Variants in CSMD1 observed in about 807,000 individuals in gnomAD.
The protein encoded by CSMD1 is CUB and sushi domain-containing protein 1.
CSMD1 carries 213 observed loss-of-function variants against 417.5 expected under a neutral mutation model. That is an observed-to-expected ratio of 0.51 (90% CI 0.46 to 0.57). The LOEUF (loss-of-function observed/expected upper bound fraction) is 0.57, where lower values mean the gene tolerates loss of function less well. CSMD1 is among the 20% of genes least tolerant of loss of function. The probability of loss-of-function intolerance (pLI) is 0.00; values close to 1 mark genes in which losing one functional copy is unlikely to be tolerated. For synonymous variants in CSMD1, 2,862 were observed against 1,736.8 expected (o/e 1.65, Z -16.11); for missense variants, 6,923 against 4,529.7 (o/e 1.53, Z -15.17).
intron 8 of CSMD1, among the ~76,000 whole-genome samples, chr8:3,611,167 G>T (rs538760812): frequency 6.6e-6 from 1 of 151,548 alleles, no homozygotes; most frequent in South Asian, 2.1e-4. Flanking sequence ...CACCAGCATG[G>T]CACATGTATA....
At chr8:4,703,913 A>G (rs1807746790) in intron 1 of CSMD1, among the ~76,000 whole-genome samples, 1 of 152,148 alleles carries the variant, frequency 6.6e-6, no homozygotes. Context: ...TCCACCTCAG[A>G]TCATCAGGCA....
chr8:3,513,428 G>A (rs911877225), intron 10 of CSMD1, among the ~76,000 whole-genome samples: 11 of 151,464 alleles, frequency 7.3e-5, no homozygotes, highest in African/African-American at 2.2e-4. Context: ...CCAGGATCAA[G>A]CATTCTCCCG....
chr8:3,774,636 G>A (rs1584978703), intron 5 of CSMD1, among the ~76,000 whole-genome samples: 3 of 152,140 alleles, frequency 2.0e-5, no homozygotes, highest in East Asian at 3.9e-4. Context: ...TATCTTTGTT[G>A]AACTGTGGAC....
chr8:4,776,912 C>A (rs1177464201), intron 1 of CSMD1, among the ~76,000 whole-genome samples: 2 of 152,180 alleles, frequency 1.3e-5, no homozygotes, highest in Admixed American at 6.5e-5. Context: ...AACACTTCCA[C>A]AACGTTACTA....
intron 18 of CSMD1, among the ~76,000 whole-genome samples, chr8:3,383,764 C>G (rs1025190564): frequency 4.6e-5 from 7 of 151,866 alleles, no homozygotes; most frequent in Admixed American, 4.6e-4. Context: ...GAAAGAGATG[C>G]TTTATAAGAG....
At chr8:4,076,620 C>T (rs1338025274) in intron 3 of CSMD1, among the ~76,000 whole-genome samples, 1 of 152,122 alleles carries the variant, frequency 6.6e-6, no homozygotes, top group Non-Finnish European at 1.5e-5. Context: ...TGATAGTTGC[C>T]TGTTACCTTT....
chr8:4,204,626 G>A (rs552593254), intron 3 of CSMD1, among the ~76,000 whole-genome samples: 1 of 152,182 alleles, frequency 6.6e-6, no homozygotes, highest in East Asian at 1.9e-4. Context: ...GAGACAGTAG[G>A]CAACAAGCCT....
intron 2 of CSMD1, among the ~76,000 whole-genome samples, chr8:4,478,912 T>A (rs1800941878): frequency 1.3e-5 from 2 of 152,210 alleles, no homozygotes; most frequent in South Asian, 4.1e-4. Context: ...ATTTAGTTTC[T>A]GGCAATTGTA....
At chr8:3,005,482 T>C (rs963943246) in intron 52 of CSMD1, among the ~76,000 whole-genome samples, 6 of 152,164 alleles carry the variant, frequency 3.9e-5, no homozygotes, top group African/African-American at 1.4e-4. Flanking sequence ...AAGAGAATTT[T>C]AGACCAATAT....
intron 6 of CSMD1, among the ~76,000 whole-genome samples, chr8:3,749,488 A>T (rs1330379476): frequency 6.6e-6 from 1 of 152,190 alleles, no homozygotes; most frequent in Non-Finnish European, 1.5e-5. Context: ...AAAGTGTAAG[A>T]CTCCGAGAAT....
At chr8:3,446,998 A>AAG (rs1815347365) in intron 12 of CSMD1, among the ~76,000 whole-genome samples, 1 of 152,214 alleles carries the variant, frequency 6.6e-6, no homozygotes, top group African/African-American at 2.4e-5. Context: ...GTAAAGAATA[A>AAG]AGGAATTGGT....
At chr8:3,493,258 C>A (rs1204632371) in intron 11 of CSMD1, among the ~76,000 whole-genome samples, 1 of 138,964 alleles carries the variant, frequency 7.2e-6, no homozygotes, top group Non-Finnish European at 1.5e-5. Flanking sequence ...CTGACCACTG[C>A]ACTGCAGCCT....
chr8:4,302,240 T>C (rs1272542813), intron 3 of CSMD1, among the ~76,000 whole-genome samples: 1 of 151,956 alleles, frequency 6.6e-6, no homozygotes, highest in Non-Finnish European at 1.5e-5. Flanking sequence ...AAAAGAAAAA[T>C]GTAGTGTTTT....
intron 4 of CSMD1, among the ~76,000 whole-genome samples, chr8:4,016,176 C>A (rs753033685): frequency 3.3e-5 from 5 of 152,086 alleles, no homozygotes; most frequent in African/African-American, 9.7e-5. Flanking sequence ...ACGTTCATAA[C>A]GTAACACTTG....
At chr8:4,037,801 G>T (rs879852825) in intron 3 of CSMD1, among the ~76,000 whole-genome samples, 7 of 151,988 alleles carry the variant, frequency 4.6e-5, no homozygotes, top group Non-Finnish European at 8.8e-5. Flanking sequence ...TTCCAGGTTG[G>T]AATTGAATCT....
chr8:4,856,246 AC>A (rs754078095), intron 1 of CSMD1, among the ~76,000 whole-genome samples: 43 of 139,766 alleles, frequency 3.1e-4, no homozygotes, highest in Non-Finnish European at 6.1e-4. Flanking sequence ...GGCCTGCCTT[AC>A]AAGAGCTCCT....
intron 39 of CSMD1, 85 bp downstream of exon 39, chr8:3,157,812 G>T: frequency 9.3e-7 from 1 of 1,077,408 alleles, no homozygotes; most frequent in South Asian, 1.4e-5. Context: ...AAATTTAGAA[G>T]TGCATTCTTT....
intron 5 of CSMD1, among the ~76,000 whole-genome samples, chr8:3,934,994 A>G (rs1198010062): frequency 6.6e-6 from 1 of 152,216 alleles, no homozygotes; most frequent in East Asian, 1.9e-4. Context: ...ACTCTGTAAT[A>G]CACATAATCA....
chr8:4,887,687 T>A (rs1055052019), intron 1 of CSMD1, among the ~76,000 whole-genome samples: 1 of 152,026 alleles, frequency 6.6e-6, no homozygotes, highest in African/African-American at 2.4e-5. Flanking sequence ...ATTTATTTAT[T>A]TATTTGCTTT....
Sources: gnomAD v4.1 joint callset for allele counts (sites outside exome capture counted in the v4.1 genomes callset) on GRCh38, gnomAD v4.1.1 for gene constraint, MANE v1.5 for transcripts, NCBI Gene and HGNC (gene_info 2026-07-23, HGNC 2026-07-21) for gene names.